Variants in MICU3 observed in about 807,000 individuals in gnomAD.
The protein encoded by MICU3 is mitochondrial calcium uptake 3.
In MICU3, 62 loss-of-function variants were observed where a neutral mutation model predicts 66.5. The observed-to-expected ratio is 0.93, with a 90% CI of 0.76 to 1.15. MICU3 has a LOEUF of 1.15. Ranked by LOEUF, MICU3 falls within the 50% of genes most tolerant of loss-of-function variation. The pLI is 0.00. For missense variants in MICU3, 779 were observed against 664.4 expected (o/e 1.17, Z -1.90); for synonymous variants, 308 against 240.7 (o/e 1.28, Z -2.59).
intron 8 of MICU3, among the ~76,000 whole-genome samples, chr8:17,093,841 G>A (rs1800355986): frequency 6.6e-6 from 1 of 151,700 alleles, no homozygotes; most frequent in African/African-American, 2.4e-5. Context: ...TGATGATGAA[G>A]CTTTCCCTGA....
chr8:17,045,542 G>A (rs1396669580), intron 1 of MICU3, among the ~76,000 whole-genome samples: 1 of 152,198 alleles, frequency 6.6e-6, no homozygotes, highest in African/African-American at 2.4e-5. Context: ...CCGATAAAAA[G>A]ACCCAAGAGG....
At chr8:17,058,854 G>A (rs3915070) in intron 1 of MICU3, among the ~76,000 whole-genome samples, 92,170 of 152,112 alleles carry the variant, frequency 0.61, 29,814 homozygotes, top group African/African-American at 0.83. Flanking sequence ...TAAACTGTCT[G>A]TTGATAAACT....
intron 1 of MICU3, 62 bp downstream of exon 1, chr8:17,027,722 G>C: frequency 7.9e-7 from 1 of 1,257,874 alleles, no homozygotes; most frequent in Non-Finnish European, 1.0e-6. Flanking sequence ...CGGGTACGCA[G>C]GACCCTGGAG....
intron 8 of MICU3, among the ~76,000 whole-genome samples, chr8:17,096,721 C>T (rs985316669): frequency 7.2e-5 from 11 of 151,804 alleles, no homozygotes. Context: ...CAGCAGGACA[C>T]TTGTAAAACT....
intron 13 of MICU3, among the ~76,000 whole-genome samples, chr8:17,117,127 G>A (rs1802758587): frequency 6.6e-6 from 1 of 151,804 alleles, no homozygotes; most frequent in African/African-American, 2.4e-5. Context: ...ATAGGTGCAT[G>A]CCACCATGCC....
the MICU3 span, among the ~76,000 whole-genome samples, chr8:17,136,335 G>A: frequency 2.6e-5 from 4 of 152,066 alleles, no homozygotes; most frequent in East Asian, 1.9e-4. Flanking sequence ...ATTGTAAAGC[G>A]ATGTTGTTTG....
At chr8:17,051,868 G>C (rs1816143374) in intron 1 of MICU3, among the ~76,000 whole-genome samples, 1 of 152,110 alleles carries the variant, frequency 6.6e-6, no homozygotes, top group Non-Finnish European at 1.5e-5. Context: ...AAATGGCAGG[G>C]AGGAGAGCAA....
chr8:17,055,994 C>T (rs559520919), intron 1 of MICU3, among the ~76,000 whole-genome samples: 10 of 152,286 alleles, frequency 6.6e-5, no homozygotes, highest in Admixed American at 3.3e-4. Context: ...CCTGCCTGTA[C>T]GTTCAACCTC....
chr8:17,083,208 C>A (rs1296018617), intron 5 of MICU3, among the ~76,000 whole-genome samples: 2 of 151,976 alleles, frequency 1.3e-5, no homozygotes, highest in Non-Finnish European at 2.9e-5. Flanking sequence ...ACCACAAGAC[C>A]AGATGAGCCA....
At chr8:17,060,528 T>A (rs563580823) in intron 1 of MICU3, among the ~76,000 whole-genome samples, 81 of 152,234 alleles carry the variant, frequency 5.3e-4, no homozygotes, top group African/African-American at 1.8e-3. Context: ...GCCAGGCTGG[T>A]CTCGAACTCC....
chr8:17,096,472 G>C (rs1800699919), intron 8 of MICU3, among the ~76,000 whole-genome samples: 1 of 151,748 alleles, frequency 6.6e-6, no homozygotes, highest in African/African-American at 2.4e-5. Context: ...ACTGTCTCCA[G>C]AACAGTTACA....
At chr8:17,118,002 G>C (rs1802847127) in intron 13 of MICU3, among the ~76,000 whole-genome samples, 1 of 152,184 alleles carries the variant, frequency 6.6e-6, no homozygotes, top group South Asian at 2.1e-4. Flanking sequence ...TGACTTTAAA[G>C]TCCAAGCTAC....
At chr8:17,071,956 G>A (rs374324049) in intron 3 of MICU3, among the ~76,000 whole-genome samples, 35 of 152,240 alleles carry the variant, frequency 2.3e-4, no homozygotes, top group African/African-American at 7.0e-4. Flanking sequence ...ATTTCCTTAT[G>A]ATAATGATCC....
At chr8:17,082,828 G>T (rs987391592) in intron 5 of MICU3, among the ~76,000 whole-genome samples, 2 of 152,154 alleles carry the variant, frequency 1.3e-5, no homozygotes, top group African/African-American at 4.8e-5. Context: ...AGCGAGGAAT[G>T]ACGTTAACAT....
At chr8:17,066,289 C>A (rs1563320751) in intron 2 of MICU3, among the ~76,000 whole-genome samples, 1 of 151,026 alleles carries the variant, frequency 6.6e-6, no homozygotes, top group East Asian at 1.9e-4. Context: ...TTTCTGTGTG[C>A]TAAGGGGGAT....
At chr8:17,087,625 A>G (rs55892425) in intron 7 of MICU3, among the ~76,000 whole-genome samples, 21,489 of 152,022 alleles carry the variant, frequency 0.14, 1,853 homozygotes, top group Admixed American at 0.22. Flanking sequence ...AACAGGTACT[A>G]AGACCTTACA....
Position 17,031,850 on chromosome 8 carries a change from G to C in MICU3, c.381+4190G>C, listed in dbSNP as rs528218229. 2.0e-5 allele frequency among the ~76,000 whole-genome samples: 3 copies of C among 152,288 alleles called. No individual in the cohort carries two copies. The East Asian group carries it at 5.8e-4, about 29-fold the overall frequency. ...AAGACATTGGCTCTCAACTCGGAAT[G>C]CCTTCCCTGACTCTATAGATTTGTT... On this transcript the variant is annotated intron_variant, in intron 1 of 14. Transcript: ENST00000318063.
At chr8:17,126,117 G>A (rs543091902), downstream of MICU3, among the ~76,000 whole-genome samples, 3 of 151,922 alleles carry the variant, frequency 2.0e-5, no homozygotes, top group Non-Finnish European at 4.4e-5. Flanking sequence ...GATCCAGGGG[G>A]ATGAGTTTCA....
In MICU3 at chr8:17,070,650, T is replaced by TA. The variant is rs574169621; in HGVS notation, c.567+939dup. Among the ~76,000 whole-genome samples, 7 of 136,430 alleles carry TA rather than the reference T, an allele frequency of 5.1e-5. No homozygotes were observed. In the South Asian group the frequency reaches 1.7e-3, roughly 32 times the overall value. The allele number at this position is 136,430 out of a possible 152,430, so 89.5% of individuals were successfully genotyped here. On this transcript the variant is annotated intron_variant, in intron 3 of 14. Transcript: ENST00000318063. ...TTTTTATAGATATGTTTTTTTTTTT[T>TA]AAAAAAAAGAATATTAGAAATCTAG...
Sources: allele counts gnomAD v4.1 joint callset (sites outside exome capture counted in the v4.1 genomes callset), GRCh38; gene constraint gnomAD v4.1.1; transcripts MANE v1.5; gene names NCBI Gene and HGNC (gene_info 2026-07-23, HGNC 2026-07-21).